ZNF670: variants seen among roughly 807,000 people sequenced by gnomAD.
ZNF670 encodes zinc finger protein 670.
A neutral mutation model predicts 10.9 loss-of-function variants in ZNF670; 7 were observed. That is an observed-to-expected ratio of 0.64 (90% CI 0.36 to 1.20). The LOEUF is 1.20. Ranked by LOEUF, ZNF670 falls within the 50% of genes most tolerant of loss-of-function variation. ZNF670 has a pLI of 0.02. For missense variants in ZNF670, 446 were observed against 458.6 expected (o/e 0.97, Z 0.25); for synonymous variants, 136 against 152.7 (o/e 0.89, Z 0.81).
intron 3 of ZNF670, 83 bp from the exon 4 acceptor site, chr1:247,038,510 T>C (rs1283433434): frequency 7.3e-7 from 1 of 1,365,632 alleles, no homozygotes; most frequent in East Asian, 2.3e-5. Flanking sequence ...GCAAGTTTCC[T>C]GCCATATCTA....
At chr1:247,056,210 A>G (rs1670711895) in intron 1 of ZNF670, among the ~76,000 whole-genome samples, 1 of 152,188 alleles carries the variant, frequency 6.6e-6, no homozygotes, top group South Asian at 2.1e-4. Flanking sequence ...ATTTTGTCCA[A>G]CAGCTTCAGA....
At chr1:247,043,900 A>G (rs1670378202) in intron 1 of ZNF670, 2 of 310,932 alleles carry the variant, frequency 6.4e-6, no homozygotes, top group Non-Finnish European at 1.2e-5. Context: ...TCTGATATTA[A>G]ACATAGAACC....
At chr1:247,054,672 C>A (rs187428465) in intron 1 of ZNF670, among the ~76,000 whole-genome samples, 1 of 152,182 alleles carries the variant, frequency 6.6e-6, no homozygotes, top group Non-Finnish European at 1.5e-5. Flanking sequence ...CAGTAAGCCA[C>A]GGGCCTTTGG....
intron 2 of ZNF670, among the ~76,000 whole-genome samples, 177 bp from the exon 3 acceptor site, chr1:247,039,047 T>G (rs1313121105): frequency 7.4e-6 from 1 of 134,772 alleles, no homozygotes; most frequent in Non-Finnish European, 1.6e-5. Flanking sequence ...CTTCTTTTCT[T>G]TTTTCTTTCT....
At chr1:247,068,894 A>G (rs1017885724) in intron 1 of ZNF670, among the ~76,000 whole-genome samples, 2 of 145,756 alleles carry the variant, frequency 1.4e-5, no homozygotes, top group Non-Finnish European at 3.0e-5. Flanking sequence ...ATGGAACTGG[A>G]GATCATGATG....
intron 1 of ZNF670, among the ~76,000 whole-genome samples, chr1:247,059,433 G>A (rs1225946315): frequency 6.6e-6 from 1 of 151,892 alleles, no homozygotes; most frequent in African/African-American, 2.4e-5. Context: ...GAGACAGGGC[G>A]AGACTCTGTC....
chr1:247,037,241 T>A lies in ZNF670; in HGVS notation c.*208A>T, dbSNP rs2103049978. 2.0e-6 allele frequency: 1 copy of A among 493,908 alleles called. No individual in the cohort carries two copies. Among genetic ancestry groups the A allele is most frequent in the East Asian group, 3.2e-5 (1 of 30,876 alleles). 30.6% of individuals were successfully genotyped at this position (493,908 alleles called of 1,614,324 possible). A position where few individuals can be genotyped will look rare whatever the true frequency, so the allele number is the denominator to read the frequency against. On this transcript the variant is annotated 3_prime_UTR_variant, in exon 4 of 4. Coordinates refer to ENST00000366503, the MANE Select transcript of ZNF670 (RefSeq NM_033213.5). ...ATAAAGTGTTCTAACACATTTTTCGTATTTTATGACGTTCTTTCCCAGGAC... is the reference window on the plus strand; with the variant it reads ...ATAAAGTGTTCTAACACATTTTTCGAATTTTATGACGTTCTTTCCCAGGAC...
intron 1 of ZNF670, among the ~76,000 whole-genome samples, chr1:247,072,611 C>G (rs1304540367): frequency 6.6e-6 from 1 of 151,058 alleles, no homozygotes; most frequent in African/African-American, 2.4e-5. Flanking sequence ...ATGGCAAAAC[C>G]TCGTCTCTAC....
chr1:247,061,774 G>T lies in ZNF670; in HGVS notation c.3+16820C>A, dbSNP rs117490888. Among the ~76,000 whole-genome samples the T allele has an allele frequency of 2.8e-4, 43 of 152,272 alleles. No homozygotes were observed. The East Asian group carries it at 6.8e-3, about 24-fold the overall frequency. On this transcript the variant is annotated intron_variant, in intron 1 of 3. Coordinates refer to ENST00000366503, the MANE Select transcript of ZNF670 (RefSeq NM_033213.5). ...GTCTGATAATAGCAAAGATATTGTA[G>T]AGAACACTGTCATGGAGTATTATAC...
rs752581827 is a variant in ZNF670, at chr1:247,043,720, C to T, written c.4-4183G>A. ...TGTCAACAAAGAAATCAATCATTTA[C>T]CGCAGAGCCCTTTTAGCGTTCATCC... On this transcript the variant is annotated intron_variant, in intron 1 of 3. Coordinates refer to ENST00000366503, the MANE Select transcript of ZNF670 (RefSeq NM_033213.5). 1.1e-4 allele frequency: 48 copies of T among 447,246 alleles called. 1 individual carries two copies. Among genetic ancestry groups the T allele is most frequent in the Non-Finnish European group, 2.0e-4 (47 of 230,732 alleles). 27.7% of individuals were successfully genotyped at this position (447,246 alleles called of 1,614,324 possible).
chr1:247,035,442 T>C lies in ZNF670; in HGVS notation c.*2007A>G, dbSNP rs1407587013. ...AAGAACGTGAGATGCTTCTTGGTTC[T>C]CATAAGGATGCAATTGGTTTGTTTA... is the stretch of plus-strand genomic sequence containing the variant. On this transcript the variant is annotated 3_prime_UTR_variant, in exon 4 of 4. Coordinates refer to ENST00000366503, the MANE Select transcript of ZNF670 (RefSeq NM_033213.5). Among the ~76,000 whole-genome samples, 1 of 152,218 alleles carries C rather than the reference T, an allele frequency of 6.6e-6. No individual in the cohort carries two copies. The highest frequency in any genetic ancestry group is 1.9e-4 in the East Asian group (1 of 5,194).
chr1:247,051,990 ATT>A lies in ZNF670; in HGVS notation c.4-12455_4-12454del, dbSNP rs146107156. Among the ~76,000 whole-genome samples the A allele has an allele frequency of 2.3e-3, 295 of 128,230 alleles. 1 individual carries two copies. Among genetic ancestry groups the A allele is most frequent in the African/African-American group, 5.9e-3 (207 of 34,902 alleles). 84.1% of individuals were successfully genotyped at this position (128,230 alleles called of 152,430 possible). A position where few individuals can be genotyped will look rare whatever the true frequency, so the allele number is the denominator to read the frequency against. On this transcript the variant is annotated intron_variant, in intron 1 of 3. Transcript: ENST00000366503. The stretch of plus-strand genomic sequence containing the variant: ...GGAGATTTTTTCGTCCATGTCCTGT[ATT>A]TTTTTTTTTTTTTTGTAATTCCCTT...
chr1:247,047,360 T>A lies in ZNF670; in HGVS notation c.4-7823A>T, dbSNP rs182646022. Among the ~76,000 whole-genome samples the A allele has an allele frequency of 5.0e-3, 761 of 152,082 alleles. 19 individuals carry two copies. The highest frequency in any genetic ancestry group is 0.038 in the Admixed American group (577 of 15,284). On this transcript the variant is annotated intron_variant, in intron 1 of 3. Transcript: ENST00000366503. ...GTGTATTTCCATACATCCTCTGGAA[T>A]TGTGGCAGAGGTTCCCAAACCTCAA...
chr1:247,069,881 G>A (rs571655274), intron 1 of ZNF670, among the ~76,000 whole-genome samples: 1 of 152,280 alleles, frequency 6.6e-6, no homozygotes, highest in South Asian at 2.1e-4. Flanking sequence ...GGTGGGGATG[G>A]TTAATGCGTA....
chr1:247,063,770 C>T (rs1398370976), intron 1 of ZNF670, among the ~76,000 whole-genome samples: 1 of 146,418 alleles, frequency 6.8e-6, no homozygotes, highest in African/African-American at 2.4e-5. Flanking sequence ...ACTACCCCTC[C>T]ACACAAACCC....
At chr1:247,051,009 T>A (rs751923239) in intron 1 of ZNF670, among the ~76,000 whole-genome samples, 60 of 152,034 alleles carry the variant, frequency 3.9e-4, no homozygotes, top group Non-Finnish European at 6.8e-4. Flanking sequence ...TTCTGTTTCA[T>A]GATTTAGAAC....
rs368222004 is a variant in ZNF670, at chr1:247,069,010, G to A, written c.3+9584C>T. Among the ~76,000 whole-genome samples, 156 of 150,662 alleles carry A rather than the reference G, an allele frequency of 1.0e-3. 5 individuals carry two copies. In the South Asian group the frequency reaches 0.031, roughly 30 times the overall value. On this transcript the variant is annotated intron_variant, in intron 1 of 3. Coordinates refer to ENST00000366503, the MANE Select transcript of ZNF670 (RefSeq NM_033213.5). ...GAACTCATGGGCATAGAGAGTCGAA[G>A]GATGGTTACCAGAGGTGGGGAAAAG...
At chr1:247,078,028 G>A (rs2103076578) in intron 1 of ZNF670, among the ~76,000 whole-genome samples, 1 of 152,246 alleles carries the variant, frequency 6.6e-6, no homozygotes, top group African/African-American at 2.4e-5. Context: ...ACATAACCAG[G>A]AGATATCTGG....
At chr1:247,074,678 A>G (rs1380542852) in intron 1 of ZNF670, among the ~76,000 whole-genome samples, 1 of 152,010 alleles carries the variant, frequency 6.6e-6, no homozygotes, top group African/African-American at 2.4e-5. Flanking sequence ...AGATTCTCAT[A>G]AGGAGCACAC....
Sources: gnomAD v4.1 joint callset for allele counts (sites outside exome capture counted in the v4.1 genomes callset) on GRCh38, gnomAD v4.1.1 for gene constraint, MANE v1.5 for transcripts, NCBI Gene and HGNC (gene_info 2026-07-23, HGNC 2026-07-21) for gene names.